SEC24B: variants seen among roughly 807,000 people sequenced by gnomAD.
SEC24B encodes SEC24 homolog B, COPII component.
In SEC24B, 45 loss-of-function variants were observed where a neutral mutation model predicts 142.8. The ratio of observed to expected loss-of-function variants is 0.32; its 90% CI spans 0.25 to 0.40. The LOEUF is 0.40. Ranked by LOEUF, SEC24B falls within the 10% of genes least tolerant of loss-of-function variation. The pLI is 1.00. For synonymous variants in SEC24B, 574 were observed against 568.2 expected (o/e 1.01, Z -0.15); for missense variants, 1,409 against 1,526.8 (o/e 0.92, Z 1.29).
chr4:109,475,621 G>T (rs945065529), intron 3 of SEC24B, among the ~76,000 whole-genome samples: 1 of 151,922 alleles, frequency 6.6e-6, no homozygotes, highest in Non-Finnish European at 1.5e-5. Context: ...AATACTTGTA[G>T]TTATGCAGTT....
chr4:109,517,252 A>G (rs1267346485), intron 11 of SEC24B, among the ~76,000 whole-genome samples: 1 of 152,212 alleles, frequency 6.6e-6, no homozygotes, highest in Non-Finnish European at 1.5e-5. Flanking sequence ...ATGGATGGAT[A>G]AAGAAACTGG....
intron 1 of SEC24B, among the ~76,000 whole-genome samples, chr4:109,440,113 T>G (rs1277729649): frequency 6.6e-6 from 1 of 150,732 alleles, no homozygotes; most frequent in Non-Finnish European, 1.5e-5. Flanking sequence ...AGAGCGAGAC[T>G]TCGTCGCAAA....
At chr4:109,539,515 AG>A (rs1183705813) in intron 23 of SEC24B, 45 bp from the exon 24 acceptor site, 5 of 1,167,332 alleles carry the variant, frequency 4.3e-6, no homozygotes, top group Non-Finnish European at 6.4e-6. Flanking sequence ...TGGTGAAATC[AG>A]GGCTTTTAAA....
At chr4:109,481,624 T>G (rs1733746952) in intron 3 of SEC24B, 53 bp from the exon 4 acceptor site, 1 of 1,278,364 alleles carries the variant, frequency 7.8e-7, no homozygotes, top group Admixed American at 2.1e-5. Flanking sequence ...AAATTTTTAT[T>G]TCTCATCTTT....
intron 22 of SEC24B, among the ~76,000 whole-genome samples, chr4:109,536,117 T>TA (rs1174367111): frequency 6.6e-6 from 1 of 152,060 alleles, no homozygotes; most frequent in Non-Finnish European, 1.5e-5. Context: ...AGTTCATTGG[T>TA]AAAACTCAAC....
rs371481943 is a variant in SEC24B at position 109,463,589 on chromosome 4, C to A, written c.822C>A (p.Leu274=). 1.6e-4 allele frequency: 257 copies of A among 1,614,046 alleles called. 1 individual carries two copies. Among genetic ancestry groups the A allele is most frequent in the Middle Eastern group, 8.2e-4 (5 of 6,084 alleles). The change falls in exon 2 of 24, where the codon CTC becomes CTA. Residue 274 remains leucine (L), a synonymous_variant. Coordinates refer to ENST00000265175, the MANE Select transcript of SEC24B (RefSeq NM_006323.5). ...GCCTTCCATCGACTCAAGACAATCT[C>A]ATCCGAAACCACACAGGATCCCTGG... ...SPGLPSTQDN[L]IRNHTGSLAV...
At chr4:109,465,568 T>A (rs1054591085) in intron 2 of SEC24B, among the ~76,000 whole-genome samples, 2 of 152,192 alleles carry the variant, frequency 1.3e-5, no homozygotes, top group Non-Finnish European at 2.9e-5. Flanking sequence ...CAACATTCTA[T>A]TTACAGATCC....
At position 109,477,556 on chromosome 4, in the gene SEC24B, G is replaced by A. The variant is rs558970315; in HGVS notation, c.1061-4121G>A. Among the ~76,000 whole-genome samples the A allele has an allele frequency of 3.9e-5, 6 of 152,064 alleles. No homozygotes were observed. In the South Asian group the frequency reaches 1.2e-3, roughly 32 times the overall value. On this transcript the variant is annotated intron_variant, in intron 3 of 23. Transcript: ENST00000265175. ...GCCCAGGCTGGTCTTGAACTCCCAG[G>A]CTCGAGTGATTATCCCACCTTGGCC...
chr4:109,484,137 G>T (rs1019337593), intron 4 of SEC24B, among the ~76,000 whole-genome samples: 1 of 152,186 alleles, frequency 6.6e-6, no homozygotes, highest in Non-Finnish European at 1.5e-5. Flanking sequence ...ATCCAATTTG[G>T]ATCATGCGTT....
chr4:109,445,476 C>T (rs1175842555), intron 1 of SEC24B, among the ~76,000 whole-genome samples: 1 of 149,444 alleles, frequency 6.7e-6, no homozygotes, highest in Non-Finnish European at 1.5e-5. Context: ...AGGATGGTCT[C>T]GATCTGACCT....
At chr4:109,456,663 T>G (rs1453302775) in intron 1 of SEC24B, among the ~76,000 whole-genome samples, 4 of 152,214 alleles carry the variant, frequency 2.6e-5, no homozygotes, top group African/African-American at 9.6e-5. Flanking sequence ...TTATGTGGCT[T>G]TTTCTTAAGT....
At chr4:109,455,289 G>A (rs773001236) in intron 1 of SEC24B, among the ~76,000 whole-genome samples, 1 of 151,192 alleles carries the variant, frequency 6.6e-6, no homozygotes, top group Non-Finnish European at 1.5e-5. Flanking sequence ...CACTTTTGTC[G>A]CCCAGGCTGG....
chr4:109,481,765 G>A lies in SEC24B; in HGVS notation c.1149G>A (p.Glu383=). 1 of 1,613,512 alleles carries A rather than the reference G, an allele frequency of 6.2e-7. No individual in the cohort carries two copies. The highest frequency in any genetic ancestry group is 1.1e-5 in the South Asian group (1 of 91,048). Residue 383 remains glutamate (E), a synonymous_variant, in exon 4 of 24, where the codon GAG becomes GAA. Transcript: ENST00000265175. ...CTTCCGATGATGAGGAAGAGGAGGAGGAGGATGAGGAAGCAGGTCTGCTTT... is the reference window on the plus strand; with the variant it reads ...CTTCCGATGATGAGGAAGAGGAGGAAGAGGATGAGGAAGCAGGTCTGCTTT... The part of the protein sequence containing the change: ...SSTSDDEEEE[E]EDEEAGVDSS...
intron 1 of SEC24B, among the ~76,000 whole-genome samples, chr4:109,459,455 A>G (rs1364526574): frequency 2.6e-5 from 4 of 152,240 alleles, no homozygotes; most frequent in Non-Finnish European, 5.9e-5. Context: ...AATACTGAAT[A>G]CATGTTAAAA....
intron 11 of SEC24B, among the ~76,000 whole-genome samples, chr4:109,519,884 A>G (rs1723418813): frequency 6.6e-6 from 1 of 152,238 alleles, no homozygotes; most frequent in Non-Finnish European, 1.5e-5. Flanking sequence ...GTACTTAGTA[A>G]TATGCTTCTG....
intron 4 of SEC24B, among the ~76,000 whole-genome samples, chr4:109,482,936 CTATATATATATA>C (rs775978447): frequency 0.044 from 1,517 of 34,598 alleles, 96 homozygotes; most frequent in African/African-American, 0.11. Flanking sequence ...CAGGCTTGTA[CTATATATATATA>C]TATATATATA....
chr4:109,434,955 T>C (rs1279512411), intron 1 of SEC24B, among the ~76,000 whole-genome samples: 1 of 152,224 alleles, frequency 6.6e-6, no homozygotes, highest in Non-Finnish European at 1.5e-5. Flanking sequence ...GGAGGAATTC[T>C]CCTTACAGAC....
chr4:109,434,067 T>TA (rs1728129956), intron 1 of SEC24B, 65 bp downstream of exon 1: 5 of 992,958 alleles, frequency 5.0e-6, no homozygotes, highest in Non-Finnish European at 6.0e-6. Context: ...CACGGCCACA[T>TA]CGGGGCGGGG....
At chr4:109,467,460 C>T (rs13125599) in intron 2 of SEC24B, among the ~76,000 whole-genome samples, 6 of 151,402 alleles carry the variant, frequency 4.0e-5, no homozygotes, top group Non-Finnish European at 8.8e-5. Flanking sequence ...AATTTTAAAA[C>T]TGTCACTGTA....
Sources: allele counts gnomAD v4.1 joint callset (sites outside exome capture counted in the v4.1 genomes callset), GRCh38; gene constraint gnomAD v4.1.1; transcripts MANE v1.5; gene names NCBI Gene and HGNC (gene_info 2026-07-23, HGNC 2026-07-21).